Variants in MRPS6 observed in about 807,000 individuals in gnomAD.
MRPS6 encodes the protein mitochondrial ribosomal protein S6.
In MRPS6, 6 loss-of-function variants were observed where a neutral mutation model predicts 13.1. The ratio of observed to expected loss-of-function variants is 0.46; its 90% CI spans 0.25 to 0.91. MRPS6 has a LOEUF of 0.91. Ranked by LOEUF, MRPS6 falls within the 40% of genes least tolerant of loss-of-function variation. The pLI is 0.18. For synonymous variants in MRPS6, 61 were observed against 56.5 expected (o/e 1.08, Z -0.36); for missense variants, 164 against 155.6 (o/e 1.05, Z -0.29).
intron 1 of MRPS6, among the ~76,000 whole-genome samples, chr21:34,112,674 C>T (rs756486852): frequency 1.3e-5 from 2 of 152,140 alleles, no homozygotes; most frequent in Non-Finnish European, 2.9e-5. Context: ...AAATATTCCT[C>T]TGTCTATGAT....
At chr21:34,118,558 T>TTTC (rs753810514) in intron 1 of MRPS6, among the ~76,000 whole-genome samples, 10 of 114,256 alleles carry the variant, frequency 8.8e-5, no homozygotes, top group Middle Eastern at 4.3e-3. Flanking sequence ...TCTTTCTTTC[T>TTTC]TTTTTTTTTT....
At position 34,096,022 on chromosome 21, in the gene MRPS6, A is replaced by G. The variant is rs763598028; in HGVS notation, c.45+22277A>G. 6.2e-7 allele frequency: 1 copy of G among 1,614,110 alleles called. No individual in the cohort carries two copies. The highest frequency in any genetic ancestry group is 8.5e-7 in the Non-Finnish European group (1 of 1,180,004). On this transcript the variant is annotated intron_variant, in intron 1 of 2. Transcript: ENST00000399312. This position sits in a 1 kb window ranked among gnomAD's most constrained non-coding sequence, Gnocchi z 5.9. ...GGGCAGACCCCAGCTTCAGTATGGT[A>G]CTGGTGTGCTGACCAAGTCATCGTG...
intron 1 of MRPS6, chr21:34,097,442 ATTG>A: frequency 6.7e-7 from 1 of 1,503,260 alleles, no homozygotes; most frequent in Non-Finnish European, 8.9e-7. Context: ...TCTCTCAGGC[ATTG>A]TTTACGCTGT....
intron 1 of MRPS6, among the ~76,000 whole-genome samples, chr21:34,118,559 T>TTCTTTC (rs1294603968): frequency 6.9e-5 from 10 of 143,886 alleles, no homozygotes; most frequent in Middle Eastern, 3.5e-3. Flanking sequence ...CTTTCTTTCT[T>TTCTTTC]TTTTTTTTTT....
intron 1 of MRPS6, among the ~76,000 whole-genome samples, chr21:34,118,207 CTG>C (rs1979996826): frequency 6.6e-6 from 1 of 152,064 alleles, no homozygotes; most frequent in Non-Finnish European, 1.5e-5. Flanking sequence ...AATTGAAAAT[CTG>C]TGTGTAAACT....
At chr21:34,136,300 A>G (rs1980701301) in intron 2 of MRPS6, among the ~76,000 whole-genome samples, 2 of 152,094 alleles carry the variant, frequency 1.3e-5, no homozygotes, top group East Asian at 3.8e-4. Flanking sequence ...GGCACGTGCC[A>G]CCATGCCTGG....
intron 2 of MRPS6, among the ~76,000 whole-genome samples, chr21:34,133,053 T>A (rs1185449842): frequency 6.6e-6 from 1 of 152,172 alleles, no homozygotes; most frequent in Non-Finnish European, 1.5e-5. Context: ...CAACCAACAC[T>A]CGGCACCACT....
At chr21:34,126,895 C>T (rs1166868859) in intron 2 of MRPS6, among the ~76,000 whole-genome samples, 2 of 152,120 alleles carry the variant, frequency 1.3e-5, no homozygotes, top group Non-Finnish European at 2.9e-5. Context: ...TGTCTGAGGA[C>T]CAGGCTCAAG....
chr21:34,106,099 T>A, intron 1 of MRPS6: 4 of 999,034 alleles, frequency 4.0e-6, no homozygotes, highest in Non-Finnish European at 4.8e-6. Flanking sequence ...TTTTGCCAGC[T>A]GCTGCATTAG....
intron 2 of MRPS6, among the ~76,000 whole-genome samples, chr21:34,141,871 T>A (rs1466609193): frequency 6.6e-6 from 1 of 152,230 alleles, no homozygotes; most frequent in Non-Finnish European, 1.5e-5. Context: ...TCCAGTAATT[T>A]TCTTTTTGTT....
intron 1 of MRPS6, chr21:34,101,187 A>T: frequency 2.0e-6 from 2 of 1,000,120 alleles, no homozygotes; most frequent in African/African-American, 3.5e-5. Context: ...GCCCGTTGGT[A>T]AAAGACAACA....
At chr21:34,110,632 T>C (rs555221337) in intron 1 of MRPS6, among the ~76,000 whole-genome samples, 9 of 152,360 alleles carry the variant, frequency 5.9e-5, no homozygotes, top group South Asian at 2.1e-4. Flanking sequence ...GTGGTAGTTA[T>C]GTTTTGTAAA....
At chr21:34,093,094 A>ATT (rs1978788431) in intron 1 of MRPS6, among the ~76,000 whole-genome samples, 1 of 152,212 alleles carries the variant, frequency 6.6e-6, no homozygotes, top group Non-Finnish European at 1.5e-5. Flanking sequence ...GATTTTATTA[A>ATT]AAATTTAGAT....
At chr21:34,114,340 A>G (rs1014669507) in intron 1 of MRPS6, among the ~76,000 whole-genome samples, 1 of 152,160 alleles carries the variant, frequency 6.6e-6, no homozygotes, top group Admixed American at 6.5e-5. Context: ...TGAAACTTTT[A>G]TGTTCCTTAA....
chr21:34,099,637 C>T, intron 1 of MRPS6: 2 of 997,858 alleles, frequency 2.0e-6, no homozygotes, highest in Non-Finnish European at 2.4e-6. Flanking sequence ...ACATTGAGTC[C>T]TAGTAGTTTG....
At chr21:34,083,637 T>C (rs1459624117) in intron 1 of MRPS6, among the ~76,000 whole-genome samples, 2 of 152,188 alleles carry the variant, frequency 1.3e-5, no homozygotes, top group African/African-American at 4.8e-5. Context: ...TTAATAGTCA[T>C]ATGAGAAAAC....
chr21:34,091,265 CCG>C (rs140471135), intron 1 of MRPS6, among the ~76,000 whole-genome samples: 4 of 182 alleles, frequency 0.022, no homozygotes, highest in African/African-American at 0.048. Flanking sequence ...TTTGCAGGCC[CCG>C]CCCTGTGTCA....
At chr21:34,117,021 A>G (rs1460495828) in intron 1 of MRPS6, among the ~76,000 whole-genome samples, 1 of 151,912 alleles carries the variant, frequency 6.6e-6, no homozygotes, top group East Asian at 1.9e-4. Context: ...TTTTCCCACC[A>G]CTCTGACTGA....
At chr21:34,107,805 T>G (rs1206495727) in intron 1 of MRPS6, among the ~76,000 whole-genome samples, 1 of 152,230 alleles carries the variant, frequency 6.6e-6, no homozygotes, top group Non-Finnish European at 1.5e-5. Context: ...TTGTGACGTT[T>G]CCATCAATTC....
Sources: gnomAD v4.1 joint callset for allele counts (sites outside exome capture counted in the v4.1 genomes callset) on GRCh38, gnomAD v4.1.1 for gene constraint, Gnocchi (gnomAD v3.1) non-coding constraint, MANE v1.5 for transcripts, NCBI Gene and HGNC (gene_info 2026-07-23, HGNC 2026-07-21) for gene names.